The following RNFT2 variants were observed in gnomAD, a reference collection of about 807,000 sequenced individuals.
The protein encoded by RNFT2 is ring finger protein, transmembrane 2.
A neutral mutation model predicts 53.0 loss-of-function variants in RNFT2; 36 were observed. That is an observed-to-expected ratio of 0.68 (90% confidence interval 0.52 to 0.90). The LOEUF (loss-of-function observed/expected upper bound fraction) is 0.90. Ranked by LOEUF, RNFT2 falls within the 40% of genes least tolerant of loss-of-function variation. The pLI, the probability that RNFT2 is intolerant of heterozygous loss-of-function variation, is 0.00. For synonymous variants in RNFT2, 260 were observed against 253.2 expected (o/e 1.03, Z -0.26); for missense variants, 514 against 585.6 (o/e 0.88, Z 1.26).
intron 5 of RNFT2, among the ~76,000 whole-genome samples, chr12:116,766,600 T>A (rs571156800): frequency 6.6e-6 from 1 of 152,102 alleles, no homozygotes; most frequent in Non-Finnish European, 1.5e-5. Flanking sequence ...TTCTAGATAG[T>A]TTTTCAAGCA....
intron 5 of RNFT2, among the ~76,000 whole-genome samples, chr12:116,760,601 C>T (rs1483776121): frequency 6.6e-6 from 1 of 152,154 alleles, no homozygotes; most frequent in Non-Finnish European, 1.5e-5. Flanking sequence ...TGCAAACAGA[C>T]CTTCAGCTTC....
chr12:116,739,388 T>C (rs530856900), intron 1 of RNFT2, among the ~76,000 whole-genome samples: 3 of 152,328 alleles, frequency 2.0e-5, no homozygotes, highest in Admixed American at 2.0e-4. Flanking sequence ...TCCTGGATGC[T>C]GAGGCAGAGG....
rs71095592 is a variant in RNFT2, at chr12:116,762,403, C to CAA, written c.628-4400_628-4399dup. 3.9e-3 allele frequency among the ~76,000 whole-genome samples: 550 copies of CAA among 139,720 alleles called. 2 individuals carry two copies. The highest frequency in any genetic ancestry group is 0.024 in the East Asian group (113 of 4,772). 91.7% of individuals were successfully genotyped at this position (139,720 alleles called of 152,430 possible). A position where few individuals can be genotyped will look rare whatever the true frequency, so the allele number is the denominator to read the frequency against. On this transcript the variant is annotated intron_variant, in intron 5 of 10. Coordinates refer to ENST00000257575, the MANE Select transcript of RNFT2 (RefSeq NM_001382266.1). ...GAGATGGTTTCACTCCATCTCAAAA[C>CAA]AAAAAAAAAAAACAAAGAAAGAAAT...
intron 6 of RNFT2, among the ~76,000 whole-genome samples, chr12:116,771,622 C>G (rs1873199117): frequency 6.6e-6 from 1 of 151,390 alleles, no homozygotes; most frequent in Non-Finnish European, 1.5e-5. Flanking sequence ...ATAAAAATGT[C>G]TACCCCATCT....
chr12:116,843,180 A>G (rs1327371275), intron 10 of RNFT2, among the ~76,000 whole-genome samples: 1 of 152,108 alleles, frequency 6.6e-6, no homozygotes, highest in Non-Finnish European at 1.5e-5. Context: ...TTCGGGAGGC[A>G]CGACCAGGGG....
chr12:116,750,337 C>T (rs1287676792), intron 4 of RNFT2, 30 bp downstream of exon 4: 3 of 1,567,772 alleles, frequency 1.9e-6, no homozygotes, highest in East Asian at 2.3e-5. Flanking sequence ...GTGTCCTAGC[C>T]ATGGGCTTCA....
At chr12:116,840,183 A>G (rs1406822079) in intron 10 of RNFT2, among the ~76,000 whole-genome samples, 1 of 152,186 alleles carries the variant, frequency 6.6e-6, no homozygotes, top group Non-Finnish European at 1.5e-5. Flanking sequence ...TTATGATATG[A>G]AGGCAAGAGG....
intron 5 of RNFT2, among the ~76,000 whole-genome samples, chr12:116,759,817 G>A (rs936917895): frequency 2.6e-5 from 4 of 152,186 alleles, no homozygotes; most frequent in African/African-American, 9.7e-5. Context: ...GGTTTAATGC[G>A]CTATTTTTGT....
chr12:116,822,540 G>C (rs189653629), intron 7 of RNFT2, among the ~76,000 whole-genome samples: 124 of 152,244 alleles, frequency 8.1e-4, no homozygotes, highest in Non-Finnish European at 1.2e-3. Flanking sequence ...CCTCATAGTG[G>C]TGTGCACAGA....
At chr12:116,795,386 C>T (rs771114118) in intron 7 of RNFT2, among the ~76,000 whole-genome samples, 3 of 149,326 alleles carry the variant, frequency 2.0e-5, no homozygotes, top group East Asian at 2.0e-4. Context: ...CCAGCCTGGG[C>T]GGCAGAGTGA....
Position 116,851,867 on chromosome 12 carries a change from T to C in RNFT2, c.*2419T>C. On this transcript the variant is annotated 3_prime_UTR_variant, in exon 11 of 11. Coordinates refer to ENST00000257575, the MANE Select transcript of RNFT2 (RefSeq NM_001382266.1). ...CTCCTGTCTTTATGTCTTTCTCCTC[T>C]TCCTATTCTGTCATCTCCCTCACTT... 6.5e-7 allele frequency: 1 copy of C among 1,530,224 alleles called. No homozygotes were observed. Among genetic ancestry groups the C allele is most frequent in the Non-Finnish European group, 8.8e-7 (1 of 1,141,212 alleles). The allele number at this position is 1,530,224 out of a possible 1,614,324, so 94.8% of individuals were successfully genotyped here.
chr12:116,813,992 G>A (rs1339127507), intron 7 of RNFT2, among the ~76,000 whole-genome samples: 1 of 152,216 alleles, frequency 6.6e-6, no homozygotes, highest in African/African-American at 2.4e-5. Context: ...CTACAGCTTA[G>A]TAAGTGCTAG....
intron 7 of RNFT2, among the ~76,000 whole-genome samples, chr12:116,795,796 A>G (rs945057133): frequency 2.6e-5 from 4 of 152,196 alleles, no homozygotes; most frequent in Non-Finnish European, 4.4e-5. Flanking sequence ...TAGAAAGAAC[A>G]CAGCTGGAGT....
chr12:116,836,762 TA>T (rs879289594), intron 10 of RNFT2, among the ~76,000 whole-genome samples: 9 of 147,820 alleles, frequency 6.1e-5, no homozygotes, highest in South Asian at 2.1e-4. Context: ...CTGTCTCTAC[TA>T]AAAAAAAAAT....
chr12:116,799,254 A>G (rs1364547901), intron 7 of RNFT2, among the ~76,000 whole-genome samples: 5 of 152,172 alleles, frequency 3.3e-5, no homozygotes, highest in South Asian at 4.1e-4. Context: ...GCAGAGTGCT[A>G]TTCTTGTGTC....
chr12:116,819,516 C>T (rs991363780), intron 7 of RNFT2, among the ~76,000 whole-genome samples: 3 of 152,082 alleles, frequency 2.0e-5, no homozygotes, highest in Non-Finnish European at 4.4e-5. Context: ...GACAGCCGGC[C>T]GCCCGACGCG....
At chr12:116,800,073 CT>C (rs1221011828) in intron 7 of RNFT2, among the ~76,000 whole-genome samples, 1 of 152,200 alleles carries the variant, frequency 6.6e-6, no homozygotes, top group African/African-American at 2.4e-5. Context: ...GACACACCTG[CT>C]CCCCCTTCAC....
intron 10 of RNFT2, among the ~76,000 whole-genome samples, chr12:116,840,714 A>G (rs1176027494): frequency 6.6e-6 from 1 of 152,144 alleles, no homozygotes; most frequent in Non-Finnish European, 1.5e-5. Flanking sequence ...CTGACCCTCC[A>G]TGTCATCTGT....
rs112659326 is a variant in RNFT2 at position 116,828,506 on chromosome 12, A to G, written c.883-5286A>G. 5.3e-3 allele frequency among the ~76,000 whole-genome samples: 813 copies of G among 152,240 alleles called. 4 individuals carry two copies. The highest frequency in any genetic ancestry group is 0.018 in the African/African-American group (760 of 41,528). ...TAGCAGAGTTCTACCACACTGTATTATAGTAGTTTGCTTAGTGATGGTCTT... is the reference window on the plus strand; with the variant it reads ...TAGCAGAGTTCTACCACACTGTATTGTAGTAGTTTGCTTAGTGATGGTCTT... On this transcript the variant is annotated intron_variant, in intron 7 of 10. Coordinates refer to ENST00000257575, the MANE Select transcript of RNFT2 (RefSeq NM_001382266.1).
Sources: allele counts gnomAD v4.1 joint callset (sites outside exome capture counted in the v4.1 genomes callset), GRCh38; gene constraint gnomAD v4.1.1; transcripts MANE v1.5; gene names NCBI Gene and HGNC (gene_info 2026-07-23, HGNC 2026-07-21).